The following TMEM233 variants were observed in gnomAD, a reference collection of about 807,000 sequenced individuals.
TMEM233 encodes the protein transmembrane protein 233.
A neutral mutation model predicts 11.2 loss-of-function variants in TMEM233; 6 were observed. The observed-to-expected ratio is 0.54, with a 90% CI of 0.29 to 1.06. The LOEUF is 1.06. Among genes scored for constraint, TMEM233 ranks in the 50% least tolerant of loss-of-function variants. TMEM233 has a pLI of 0.08. For synonymous variants in TMEM233, 59 were observed against 55.8 expected (o/e 1.06, Z -0.26); for missense variants, 127 against 144.7 (o/e 0.88, Z 0.63).
chr12:119,610,142 A>G (rs1462395343), intron 1 of TMEM233, among the ~76,000 whole-genome samples: 2 of 152,234 alleles, frequency 1.3e-5, no homozygotes, highest in Non-Finnish European at 2.9e-5. Context: ...AAAGGAGATT[A>G]TTTTGAAACG....
At chr12:119,652,944 A>G in the TMEM233 span, among the ~76,000 whole-genome samples, 1 of 152,198 alleles carries the variant, frequency 6.6e-6, no homozygotes, top group African/African-American at 2.4e-5. Flanking sequence ...ACCAAAATGG[A>G]TCCACCCAAA....
intron 2 of TMEM233, chr12:119,634,087 T>C (rs1954932483): frequency 5.6e-6 from 1 of 178,100 alleles, no homozygotes; most frequent in Non-Finnish European, 1.1e-5. Flanking sequence ...TGGCCATTCA[T>C]GGACTGGTCG....
chr12:119,645,460 T>C (rs1955138105), downstream of TMEM233, among the ~76,000 whole-genome samples: 1 of 152,022 alleles, frequency 6.6e-6, no homozygotes, highest in Admixed American at 6.6e-5. Context: ...CCAAAACACT[T>C]TGAATTCTGG....
At chr12:119,613,113 C>T (rs1049042320) in intron 1 of TMEM233, among the ~76,000 whole-genome samples, 4 of 151,768 alleles carry the variant, frequency 2.6e-5, no homozygotes, top group Non-Finnish European at 5.9e-5. Flanking sequence ...CTCCCCTAGC[C>T]CCCCAATTGT....
Position 119,594,133 on chromosome 12 carries a change from A to ACGGCC in TMEM233, c.186+107_186+111dup. The ACGGCC allele has an allele frequency of 8.1e-7, 1 of 1,241,318 alleles. No individual in the cohort carries two copies. The highest frequency in any genetic ancestry group is 1.5e-5 in the African/African-American group (1 of 66,434). The allele number at this position is 1,241,318 out of a possible 1,614,324, so 76.9% of individuals were successfully genotyped here. A position where few individuals can be genotyped will look rare whatever the true frequency, so the allele number is the denominator to read the frequency against. On this transcript the variant is annotated intron_variant, in intron 1 of 2. Transcript: ENST00000426426. The surrounding 1 kb of genome is among the most constrained non-coding windows in gnomAD (Gnocchi z 5.6). ...CGCGCTCTCTGCGGCTCCCTTCCTC[A>ACGGCC]CGGCCCGGCCCGCGCTAGGTGTTCT...
At chr12:119,612,953 TTTTG>T (rs1337193733) in intron 1 of TMEM233, among the ~76,000 whole-genome samples, 1 of 152,062 alleles carries the variant, frequency 6.6e-6, no homozygotes, top group Non-Finnish European at 1.5e-5. Flanking sequence ...CTAAGGTTTT[TTTTG>T]TTTTTGTTTT....
chr12:119,611,061 G>A (rs80210031), intron 1 of TMEM233, among the ~76,000 whole-genome samples: 2,241 of 152,120 alleles, frequency 0.015, 69 homozygotes, highest in African/African-American at 0.051. Context: ...ATTCTATATT[G>A]TGTTTTTCTA....
At chr12:119,617,581 C>T (rs1325791057) in intron 1 of TMEM233, among the ~76,000 whole-genome samples, 1 of 152,146 alleles carries the variant, frequency 6.6e-6, no homozygotes, top group East Asian at 1.9e-4. Context: ...TGCCTCTAAT[C>T]CCAGCACTCT....
intron 1 of TMEM233, among the ~76,000 whole-genome samples, chr12:119,597,800 T>C (rs141711578): frequency 2.2e-3 from 336 of 152,326 alleles, no homozygotes; most frequent in African/African-American, 7.7e-3. Context: ...CCTCTATATA[T>C]TGAAAGTCTG....
At chr12:119,604,179 A>C (rs1301098632) in intron 1 of TMEM233, among the ~76,000 whole-genome samples, 1 of 152,206 alleles carries the variant, frequency 6.6e-6, no homozygotes, top group Admixed American at 6.5e-5. Flanking sequence ...CAAGTTCAAG[A>C]ATTAAGCCAG....
rs1438003590 is a variant in TMEM233, at chr12:119,641,249, T to C, written c.*544T>C. 6.6e-6 allele frequency: 1 copy of C among 152,604 alleles called. No individual in the cohort carries two copies. Among genetic ancestry groups the C allele is most frequent in the Non-Finnish European group, 1.5e-5 (1 of 68,318 alleles). 9.5% of individuals were successfully genotyped at this position (152,604 alleles called of 1,614,324 possible). A position where few individuals can be genotyped will look rare whatever the true frequency, so the allele number is the denominator to read the frequency against. ...CCTCCTCTGGGAGTCAGCACTCCCATGCCCAGAGTTCACCCATCTGGTCAT... is the reference window on the plus strand; with the variant it reads ...CCTCCTCTGGGAGTCAGCACTCCCACGCCCAGAGTTCACCCATCTGGTCAT... On this transcript the variant is annotated 3_prime_UTR_variant, in exon 3 of 3. Coordinates refer to ENST00000426426, the MANE Select transcript of TMEM233 (RefSeq NM_001136534.3).
At chr12:119,615,173 T>TAAAAAAAAAAAAAA (rs60318959) in intron 1 of TMEM233, among the ~76,000 whole-genome samples, 12 of 56,196 alleles carry the variant, frequency 2.1e-4, no homozygotes, top group East Asian at 1.5e-3. Context: ...CGCTTTCTGC[T>TAAAAAAAAAAAAAA]AAAAAAAAAA....
At chr12:119,606,962 G>T (rs1022255277) in intron 1 of TMEM233, among the ~76,000 whole-genome samples, 2 of 152,236 alleles carry the variant, frequency 1.3e-5, no homozygotes, top group African/African-American at 4.8e-5. Flanking sequence ...TACAGGGAAA[G>T]CTTGGGTGAA....
rs565350620 is a variant in TMEM233 at position 119,634,208 on chromosome 12, C to T, written c.323+4336C>T. 8.9e-5 allele frequency: 88 copies of T among 984,706 alleles called. No homozygotes were observed. The South Asian group carries it at 3.8e-3, about 43-fold the overall frequency. 61.0% of individuals were successfully genotyped at this position (984,706 alleles called of 1,614,324 possible). On this transcript the variant is annotated intron_variant, in intron 2 of 2. Transcript: ENST00000426426. ...TACCCACAGGGAGCCTCCTTTGTAACAATCTATTTCCACAGAGGGGCTGGA... is the reference window on the plus strand; with the variant it reads ...TACCCACAGGGAGCCTCCTTTGTAATAATCTATTTCCACAGAGGGGCTGGA...
chr12:119,634,308 T>G, intron 2 of TMEM233: 1 of 983,238 alleles, frequency 1.0e-6, no homozygotes. Flanking sequence ...CTGAAAGTAT[T>G]CATTCCAAAA....
intron 2 of TMEM233, 150 bp downstream of exon 2, chr12:119,630,022 C>T (rs1954847796): frequency 5.4e-6 from 5 of 929,918 alleles, no homozygotes; most frequent in Non-Finnish European, 7.8e-6. Context: ...TTGTCCCAGT[C>T]CAGAGGGACA....
intron 1 of TMEM233, among the ~76,000 whole-genome samples, chr12:119,597,269 G>A (rs1043677053): frequency 6.6e-6 from 1 of 152,178 alleles, no homozygotes; most frequent in African/African-American, 2.4e-5. Flanking sequence ...TCAATGATTT[G>A]GGGTGTTACT....
At chr12:119,617,434 C>A (rs1184427152) in intron 1 of TMEM233, among the ~76,000 whole-genome samples, 4 of 152,030 alleles carry the variant, frequency 2.6e-5, no homozygotes, top group African/African-American at 9.7e-5. Flanking sequence ...GAACTTGAGA[C>A]AAATGATTTA....
intron 2 of TMEM233, among the ~76,000 whole-genome samples, 163 bp downstream of exon 2, chr12:119,630,035 T>A (rs867438931): frequency 3.9e-5 from 6 of 152,224 alleles, no homozygotes; most frequent in Admixed American, 6.5e-5. Flanking sequence ...GAGGGACATA[T>A]CAACAGTGTG....
Sources: gnomAD v4.1 joint callset for allele counts (sites outside exome capture counted in the v4.1 genomes callset) on GRCh38, gnomAD v4.1.1 for gene constraint, Gnocchi (gnomAD v3.1) non-coding constraint, MANE v1.5 for transcripts, NCBI Gene and HGNC (gene_info 2026-07-23, HGNC 2026-07-21) for gene names.